Variants in GABRA2 observed in about 807,000 individuals in gnomAD.
GABRA2 encodes gamma-aminobutyric acid type A receptor subunit alpha2.
In GABRA2, 16 loss-of-function variants were observed where a neutral mutation model predicts 48.7. The ratio of observed to expected loss-of-function variants is 0.33; its 90% CI spans 0.22 to 0.50. The LOEUF (loss-of-function observed/expected upper bound fraction) is 0.50, where lower values mean the gene tolerates loss of function less well. Among genes scored for constraint, GABRA2 ranks in the 20% least tolerant of loss-of-function variants. GABRA2 has a pLI of 0.98. For missense variants in GABRA2, 275 were observed against 535.6 expected, an observed-to-expected ratio of 0.51 and a Z score of 4.80; for synonymous variants, 185 against 184.5, an observed-to-expected ratio of 1.00 and a Z score of -0.02.
intron 4 of GABRA2, among the ~76,000 whole-genome samples, chr4:46,320,857 A>T (rs1418083521): frequency 6.6e-6 from 1 of 151,908 alleles, no homozygotes; most frequent in Admixed American, 6.6e-5. Context: ...AAAATGTTAA[A>T]AGCAGAATCT....
At chr4:46,280,872 C>T (rs372061633) in intron 8 of GABRA2, among the ~76,000 whole-genome samples, 18 of 152,130 alleles carry the variant, frequency 1.2e-4, no homozygotes, top group East Asian at 7.7e-4. Flanking sequence ...CACTTGCTCT[C>T]TTTCTGCACA....
At chr4:46,382,819 A>G (rs28728066) in intron 3 of GABRA2, among the ~76,000 whole-genome samples, 44,507 of 152,030 alleles carry the variant, frequency 0.29, 6,816 homozygotes, top group Middle Eastern at 0.33. Flanking sequence ...TTTCTAACTC[A>G]TAGTTCAAAA....
Position 46,359,069 on chromosome 4 carries a change from AGTTT to A in GABRA2, c.188-26391_188-26388del, listed in dbSNP as rs375755628. Among the ~76,000 whole-genome samples the A allele has an allele frequency of 3.3e-5, 5 of 152,342 alleles. No individual in the cohort carries two copies. In the East Asian group the frequency reaches 7.7e-4, roughly 24 times the overall value. ...ATTTTCAGACATGACATCAAAACTTAGTTTAAGTATAAGGTACATAAGGTCATAA... is the reference window on the plus strand; with the variant it reads ...ATTTTCAGACATGACATCAAAACTTAAAGTATAAGGTACATAAGGTCATAA... On this transcript the variant is annotated intron_variant, in intron 3 of 9. Coordinates refer to ENST00000381620, the MANE Select transcript of GABRA2 (RefSeq NM_000807.4).
intron 8 of GABRA2, among the ~76,000 whole-genome samples, chr4:46,266,476 T>C (rs1718257446): frequency 6.6e-6 from 1 of 150,864 alleles, no homozygotes; most frequent in South Asian, 2.1e-4. Context: ...TGGTTTTTGA[T>C]GATTTTTTAG....
intron 3 of GABRA2, among the ~76,000 whole-genome samples, chr4:46,336,878 A>G (rs1237690024): frequency 1.3e-5 from 2 of 152,166 alleles, no homozygotes; most frequent in Non-Finnish European, 2.9e-5. Context: ...ACTGATTCAT[A>G]GAAAAAATAA....
At chr4:46,382,193 C>CATATATATAT (rs71652883) in intron 3 of GABRA2, among the ~76,000 whole-genome samples, 40 of 148,356 alleles carry the variant, frequency 2.7e-4, no homozygotes, top group African/African-American at 8.7e-4. Flanking sequence ...CACACACACA[C>CATATATATAT]ATATATATAT....
intron 3 of GABRA2, among the ~76,000 whole-genome samples, chr4:46,375,505 G>A (rs1178948962): frequency 6.6e-6 from 1 of 151,876 alleles, no homozygotes; most frequent in African/African-American, 2.4e-5. Context: ...AGTTTCTATT[G>A]GAATTAACAC....
At chr4:46,306,073 A>C (rs1726636396) in intron 6 of GABRA2, among the ~76,000 whole-genome samples, 1 of 152,208 alleles carries the variant, frequency 6.6e-6, no homozygotes, top group South Asian at 2.1e-4. Flanking sequence ...GCTTATTTAT[A>C]AATAGCAATC....
At chr4:46,266,180 A>G (rs1284405985) in intron 8 of GABRA2, among the ~76,000 whole-genome samples, 3 of 151,400 alleles carry the variant, frequency 2.0e-5, no homozygotes, top group African/African-American at 4.8e-5. Flanking sequence ...CGTATTCTCT[A>G]TTCAAGTCTT....
intron 3 of GABRA2, among the ~76,000 whole-genome samples, chr4:46,384,306 C>T (rs186727635): frequency 9.9e-5 from 15 of 152,236 alleles, no homozygotes; most frequent in Non-Finnish European, 2.2e-4. Context: ...GAGATATTAG[C>T]ATATGTTCAA....
intron 8 of GABRA2, chr4:46,303,109 G>A (rs1157664764): frequency 8.8e-6 from 2 of 227,594 alleles, no homozygotes; most frequent in African/African-American, 2.4e-5. Flanking sequence ...TACATAGTAG[G>A]TGTTTGATCA....
chr4:46,352,539 ATCATT>A (rs1735300674), intron 3 of GABRA2, among the ~76,000 whole-genome samples: 2 of 152,078 alleles, frequency 1.3e-5, no homozygotes, highest in Admixed American at 1.3e-4. Flanking sequence ...AACGAAATGC[ATCATT>A]TCCTGAAAGC....
At chr4:46,377,882 T>C (rs1343964628) in intron 3 of GABRA2, among the ~76,000 whole-genome samples, 12 of 135,818 alleles carry the variant, frequency 8.8e-5, no homozygotes, top group African/African-American at 1.4e-4. Context: ...CCCGCCCAGC[T>C]AGCCGCCCCG....
At chr4:46,339,962 T>C (rs1473683285) in intron 3 of GABRA2, among the ~76,000 whole-genome samples, 4 of 151,818 alleles carry the variant, frequency 2.6e-5, no homozygotes, top group Non-Finnish European at 4.4e-5. Flanking sequence ...ACAAAACTAA[T>C]TTTCCTCTCC....
chr4:46,341,972 G>A (rs1255649197), intron 3 of GABRA2, among the ~76,000 whole-genome samples: 1 of 152,008 alleles, frequency 6.6e-6, no homozygotes, highest in South Asian at 2.1e-4. Context: ...GTCAAATAAA[G>A]ATGAGCCCTG....
chr4:46,279,019 A>G (rs1408011403), intron 8 of GABRA2, among the ~76,000 whole-genome samples: 1 of 151,870 alleles, frequency 6.6e-6, no homozygotes, highest in East Asian at 1.9e-4. Flanking sequence ...TATGTATAAT[A>G]AAGTGAATTA....
intron 4 of GABRA2, among the ~76,000 whole-genome samples, chr4:46,319,190 T>TCATTAAGG (rs879441738): frequency 7.2e-5 from 11 of 151,788 alleles, no homozygotes; most frequent in Non-Finnish European, 1.3e-4. Context: ...AATGAAGGCA[T>TCATTAAGG]CATATTCTTT....
chr4:46,331,782 A>C (rs563397432), intron 4 of GABRA2, among the ~76,000 whole-genome samples: 1 of 152,112 alleles, frequency 6.6e-6, no homozygotes. Context: ...TGCAGACTGG[A>C]GTGCAGTGGC....
intron 8 of GABRA2, among the ~76,000 whole-genome samples, chr4:46,295,223 G>A (rs534061750): frequency 4.6e-5 from 7 of 152,212 alleles, no homozygotes; most frequent in South Asian, 2.1e-4. Context: ...GCAGAACTTC[G>A]AACTGTGCAT....
Sources: allele counts gnomAD v4.1 joint callset (sites outside exome capture counted in the v4.1 genomes callset), GRCh38; gene constraint gnomAD v4.1.1; transcripts MANE v1.5; gene names NCBI Gene and HGNC (gene_info 2026-07-23, HGNC 2026-07-21).